SGMS1: variants seen among roughly 807,000 people sequenced by gnomAD.
SGMS1 encodes sphingomyelin synthase 1.
Under a neutral mutation model 46.2 loss-of-function variants are expected in SGMS1, and 13 were observed. The observed-to-expected ratio is 0.28, with a 90% CI of 0.18 to 0.45. The LOEUF is 0.45. Among genes scored for constraint, SGMS1 ranks in the 20% least tolerant of loss-of-function variants. The probability of loss-of-function intolerance (pLI) is 1.00; values close to 1 mark genes in which losing one functional copy is unlikely to be tolerated. For missense variants in SGMS1, 324 were observed against 519.9 expected (o/e 0.62, Z 3.66); for synonymous variants, 203 against 187.8 (o/e 1.08, Z -0.66).
chr10:50,498,644 C>A (rs1281184049), intron 3 of SGMS1, among the ~76,000 whole-genome samples: 1 of 152,118 alleles, frequency 6.6e-6, no homozygotes, highest in Non-Finnish European at 1.5e-5. Flanking sequence ...TCAGAATTTC[C>A]TTCCTTTTTA....
At chr10:50,529,240 C>T (rs1262043479) in intron 2 of SGMS1, among the ~76,000 whole-genome samples, 2 of 152,182 alleles carry the variant, frequency 1.3e-5, no homozygotes, top group Admixed American at 1.3e-4. Context: ...CTATGTGTCA[C>T]CTGTCCTTAA....
intron 1 of SGMS1, among the ~76,000 whole-genome samples, chr10:50,594,472 A>T (rs1022000574): frequency 6.6e-6 from 1 of 152,252 alleles, no homozygotes; most frequent in African/African-American, 2.4e-5. Context: ...CTGTGAAATA[A>T]TGGAATATCT....
At chr10:50,354,318 C>G (rs1203936575) in intron 6 of SGMS1, among the ~76,000 whole-genome samples, 1 of 152,072 alleles carries the variant, frequency 6.6e-6, no homozygotes, top group South Asian at 2.1e-4. Context: ...TTTGACAAAC[C>G]TGACAAAAAC....
At chr10:50,369,031 T>C (rs890814729) in intron 6 of SGMS1, among the ~76,000 whole-genome samples, 2 of 152,188 alleles carry the variant, frequency 1.3e-5, no homozygotes, top group African/African-American at 2.4e-5. Context: ...ACATCAAACA[T>C]ATGAACCATA....
chr10:50,440,732 C>T (rs1849534762), intron 5 of SGMS1, among the ~76,000 whole-genome samples: 1 of 152,160 alleles, frequency 6.6e-6, no homozygotes, highest in Non-Finnish European at 1.5e-5. Context: ...ATCTCAGCCT[C>T]CTGAGTAGCT....
rs1246696511 is a variant in SGMS1, at chr10:50,485,387, A to C, written c.-497-18455T>G. On this transcript the variant is annotated intron_variant, in intron 3 of 10. Transcript: ENST00000361781. Reference sequence around the variant, plus strand: ...GAGAACTACAAACCACTGCTCAAGGAAATCAGAGAGGACACAAACAAATGG... The same window carrying C: ...GAGAACTACAAACCACTGCTCAAGGCAATCAGAGAGGACACAAACAAATGG... 2.6e-5 allele frequency among the ~76,000 whole-genome samples: 4 copies of C among 152,344 alleles called. No individual in the cohort carries two copies. The East Asian group carries it at 7.7e-4, about 29-fold the overall frequency.
At chr10:50,555,550 T>C (rs1178947541) in intron 2 of SGMS1, among the ~76,000 whole-genome samples, 1 of 152,202 alleles carries the variant, frequency 6.6e-6, no homozygotes, top group African/African-American at 2.4e-5. Flanking sequence ...TCAAAGATCA[T>C]TCTTATACAA....
chr10:50,521,782 T>A (rs1230075807), intron 2 of SGMS1, among the ~76,000 whole-genome samples: 2 of 152,154 alleles, frequency 1.3e-5, no homozygotes, highest in Non-Finnish European at 2.9e-5. Flanking sequence ...ACTACAAAAG[T>A]GATATTTTCT....
At chr10:50,427,224 C>T (rs1379107209) in intron 6 of SGMS1, among the ~76,000 whole-genome samples, 1 of 152,134 alleles carries the variant, frequency 6.6e-6, no homozygotes, top group African/African-American at 2.4e-5. Flanking sequence ...TGTTGAAACC[C>T]CGTCTCTACT....
chr10:50,479,564 G>A (rs548061337), intron 3 of SGMS1, among the ~76,000 whole-genome samples: 5 of 152,114 alleles, frequency 3.3e-5, no homozygotes, highest in South Asian at 2.1e-4. Flanking sequence ...TTTCTGAACC[G>A]CATTATATTT....
At chr10:50,501,275 A>G (rs1837659205) in intron 3 of SGMS1, among the ~76,000 whole-genome samples, 1 of 152,226 alleles carries the variant, frequency 6.6e-6, no homozygotes, top group Admixed American at 6.5e-5. Flanking sequence ...ATTCTGAGGA[A>G]CAGAGAAAGG....
chr10:50,374,809 C>T (rs900728403), intron 6 of SGMS1, among the ~76,000 whole-genome samples: 38 of 152,128 alleles, frequency 2.5e-4, no homozygotes, highest in Admixed American at 2.4e-3. Flanking sequence ...CACTTGAGGG[C>T]CCTTCTTCTG....
At chr10:50,377,439 C>T (rs1848536652) in intron 6 of SGMS1, among the ~76,000 whole-genome samples, 1 of 152,326 alleles carries the variant, frequency 6.6e-6, no homozygotes, top group East Asian at 1.9e-4. Flanking sequence ...TGGGAATTAT[C>T]TTTCAACAAG....
At chr10:50,378,469 A>G (rs1220084141) in intron 6 of SGMS1, among the ~76,000 whole-genome samples, 1 of 152,230 alleles carries the variant, frequency 6.6e-6, no homozygotes. Context: ...ATAAACAGAG[A>G]CTGAGACAAA....
chr10:50,367,054 T>C (rs563346571), intron 6 of SGMS1, among the ~76,000 whole-genome samples: 79 of 152,330 alleles, frequency 5.2e-4, no homozygotes, highest in African/African-American at 1.8e-3. Flanking sequence ...TCACTGATCA[T>C]TGGAGAAATG....
intron 1 of SGMS1, among the ~76,000 whole-genome samples, chr10:50,601,356 G>A (rs966044049): frequency 6.6e-6 from 1 of 152,204 alleles, no homozygotes; most frequent in Non-Finnish European, 1.5e-5. Flanking sequence ...CTTGGTAAAT[G>A]ACCTCATGTA....
intron 3 of SGMS1, among the ~76,000 whole-genome samples, chr10:50,483,827 G>C (rs1230123030): frequency 1.3e-5 from 2 of 152,128 alleles, no homozygotes; most frequent in Non-Finnish European, 2.9e-5. Context: ...AAGAAACCAA[G>C]AAGTTCTTTG....
At chr10:50,592,672 C>T (rs1838553140) in intron 1 of SGMS1, among the ~76,000 whole-genome samples, 1 of 152,154 alleles carries the variant, frequency 6.6e-6, no homozygotes, top group Admixed American at 6.5e-5. Context: ...ACTCCCCTGC[C>T]TCAGGTACGT....
At chr10:50,622,708 C>T (rs892282157) in intron 1 of SGMS1, among the ~76,000 whole-genome samples, 6 of 152,234 alleles carry the variant, frequency 3.9e-5, no homozygotes, top group African/African-American at 1.2e-4. Flanking sequence ...TGCCTGGATT[C>T]TCTTCGCTCC....
Sources: allele counts gnomAD v4.1 joint callset (sites outside exome capture counted in the v4.1 genomes callset), GRCh38; gene constraint gnomAD v4.1.1; transcripts MANE v1.5; gene names NCBI Gene and HGNC (gene_info 2026-07-23, HGNC 2026-07-21).